Variants in STX8 observed in about 807,000 individuals in gnomAD.
The protein encoded by STX8 is syntaxin 8.
STX8 carries 23 observed loss-of-function variants against 37.5 expected under a neutral mutation model. The ratio of observed to expected loss-of-function variants is 0.61; its 90% CI spans 0.44 to 0.87. The LOEUF is 0.87. Among genes scored for constraint, STX8 ranks in the 40% least tolerant of loss-of-function variants. The pLI, the probability that STX8 is intolerant of heterozygous loss-of-function variation, is 0.00. For synonymous variants in STX8, 115 were observed against 99.1 expected, an observed-to-expected ratio of 1.16 and a Z score of -0.95; for missense variants, 313 against 284.7, an observed-to-expected ratio of 1.10 and a Z score of -0.71.
At chr17:9,380,254 G>GTT (rs34806016) in intron 6 of STX8, among the ~76,000 whole-genome samples, 4,459 of 89,092 alleles carry the variant, frequency 0.05, 159 homozygotes, top group African/African-American at 0.097. Context: ...ATTTCTGTGT[G>GTT]TTTTTTTTTT....
At chr17:9,317,044 T>C (rs1433607330) in intron 7 of STX8, among the ~76,000 whole-genome samples, 2 of 152,148 alleles carry the variant, frequency 1.3e-5, no homozygotes, top group Non-Finnish European at 2.9e-5. Flanking sequence ...AAGATTTCTG[T>C]ATGATATATT....
chr17:9,537,436 G>C (rs1906103207), intron 4 of STX8, among the ~76,000 whole-genome samples: 1 of 152,236 alleles, frequency 6.6e-6, no homozygotes, highest in South Asian at 2.1e-4. Flanking sequence ...TGTCATGAGA[G>C]CACAGCCCAG....
chr17:9,422,909 T>C (rs1339226686), intron 6 of STX8, among the ~76,000 whole-genome samples: 3 of 152,340 alleles, frequency 2.0e-5, no homozygotes, highest in South Asian at 2.1e-4. Flanking sequence ...TAAATGTCTG[T>C]CATTAGAGGA....
intron 7 of STX8, among the ~76,000 whole-genome samples, chr17:9,373,619 T>C (rs1427986722): frequency 6.6e-6 from 1 of 152,142 alleles, no homozygotes; most frequent in Non-Finnish European, 1.5e-5. Context: ...AGGGAATTAT[T>C]GTCTTGGATA....
chr17:9,443,352 T>C (rs1205146119), intron 6 of STX8, among the ~76,000 whole-genome samples: 4 of 152,308 alleles, frequency 2.6e-5, no homozygotes, highest in South Asian at 2.1e-4. Flanking sequence ...GCATCTACAA[T>C]GTACCTACTA....
In STX8 at chr17:9,388,518, A is replaced by AT. The variant is rs138718271; in HGVS notation, c.542-9866dup. On this transcript the variant is annotated intron_variant, in intron 6 of 7. Coordinates refer to ENST00000306357, the MANE Select transcript of STX8 (RefSeq NM_004853.3). ...ACTACAATTTGACATAAACATATAC[A>AT]TTTTTTCGGGCGTGGTGGCTCACGC... Among the ~76,000 whole-genome samples, 778 of 149,244 alleles carry AT rather than the reference A, an allele frequency of 5.2e-3. 3 individuals are homozygous for AT. The highest frequency in any genetic ancestry group is 0.018 in the African/African-American group (745 of 40,618).
At chr17:9,512,466 CT>C (rs763396603) in intron 4 of STX8, among the ~76,000 whole-genome samples, 2,627 of 145,376 alleles carry the variant, frequency 0.018, 70 homozygotes, top group African/African-American at 0.06. Flanking sequence ...GCCAACTGAT[CT>C]TTTTTTTTTT....
chr17:9,271,764 A>AG lies in STX8; in HGVS notation c.644-21120_644-21119insC, dbSNP rs200535248. On this transcript the variant is annotated intron_variant, in intron 7 of 7. Transcript: ENST00000306357. ...ACTCCATCTCAAAAAAAAAAAAAAA[A>AG]AAAAGAAAGAAAGAAATTCAACTTC... is the stretch of plus-strand genomic sequence containing the variant. Among the ~76,000 whole-genome samples, 46 of 151,472 alleles carry AG rather than the reference A, an allele frequency of 3.0e-4. No homozygotes were observed. In the South Asian group the frequency reaches 3.1e-3, roughly 10 times the overall value.
intron 7 of STX8, among the ~76,000 whole-genome samples, chr17:9,339,808 G>T (rs982480700): frequency 4.6e-5 from 7 of 152,172 alleles, no homozygotes; most frequent in Non-Finnish European, 1.0e-4. Context: ...CTTTCCCACA[G>T]AATTGGCGTA....
chr17:9,414,116 A>ACCCACATACCCATCTG (rs1567549784), intron 6 of STX8, among the ~76,000 whole-genome samples: 1 of 8,400 alleles, frequency 1.2e-4, no homozygotes, highest in Non-Finnish European at 2.2e-4. Context: ...CCATCCATCC[A>ACCCACATACCCATCTG]TCCATCCATC....
chr17:9,290,075 A>G (rs1026959111), intron 7 of STX8, among the ~76,000 whole-genome samples: 5 of 152,202 alleles, frequency 3.3e-5, no homozygotes, highest in Non-Finnish European at 5.9e-5. Context: ...ATTGCAAGCA[A>G]ATCGAGTCAT....
At chr17:9,261,084 G>A (rs1907009905) in intron 7 of STX8, among the ~76,000 whole-genome samples, 3 of 152,226 alleles carry the variant, frequency 2.0e-5, no homozygotes, top group Admixed American at 2.0e-4. Flanking sequence ...GCAGGTGACG[G>A]GGCAGAGAGC....
At chr17:9,548,690 T>C (rs1467584208) in intron 3 of STX8, 2 of 152,190 alleles carry the variant, frequency 1.3e-5, no homozygotes, top group Non-Finnish European at 2.9e-5. Flanking sequence ...ATTAACATTT[T>C]TGAGCACTTA....
intron 6 of STX8, among the ~76,000 whole-genome samples, chr17:9,393,445 T>C (rs1297813128): frequency 6.6e-6 from 1 of 152,222 alleles, no homozygotes; most frequent in Non-Finnish European, 1.5e-5. Context: ...ATAAATATTC[T>C]CCAGCTGACT....
intron 7 of STX8, among the ~76,000 whole-genome samples, chr17:9,296,214 T>TGG (rs879648725): frequency 0.19 from 27,875 of 149,452 alleles, 3,289 homozygotes; most frequent in Non-Finnish European, 0.26. Context: ...GGCATGGTGG[T>TGG]GCATGCCTGT....
At chr17:9,571,993 GGT>G (rs1191495864) in intron 1 of STX8, among the ~76,000 whole-genome samples, 1 of 152,062 alleles carries the variant, frequency 6.6e-6, no homozygotes, top group Admixed American at 6.6e-5. Flanking sequence ...GAAATTGGGT[GGT>G]GAGTATGAAA....
intron 7 of STX8, among the ~76,000 whole-genome samples, chr17:9,308,450 C>T (rs983845842): frequency 2.0e-5 from 3 of 152,102 alleles, no homozygotes; most frequent in South Asian, 2.1e-4. Context: ...TACAGCCAGG[C>T]GTGGTGGCTC....
chr17:9,424,433 C>T (rs529701369), intron 6 of STX8, among the ~76,000 whole-genome samples: 15 of 152,174 alleles, frequency 9.9e-5, no homozygotes, highest in African/African-American at 3.4e-4. Flanking sequence ...AACAGTCAAC[C>T]CACTACAGAC....
At chr17:9,385,416 T>C (rs763377881) in intron 6 of STX8, among the ~76,000 whole-genome samples, 4 of 152,198 alleles carry the variant, frequency 2.6e-5, no homozygotes, top group Non-Finnish European at 4.4e-5. Flanking sequence ...AGAACATATA[T>C]CTGACATAGT....
Sources: gnomAD v4.1 joint callset for allele counts (sites outside exome capture counted in the v4.1 genomes callset) on GRCh38, gnomAD v4.1.1 for gene constraint, MANE v1.5 for transcripts, NCBI Gene and HGNC (gene_info 2026-07-23, HGNC 2026-07-21) for gene names.